USP45: variants seen among roughly 807,000 people sequenced by gnomAD.
USP45 encodes ubiquitin carboxyl-terminal hydrolase 45.
Under a neutral mutation model 95.8 loss-of-function variants are expected in USP45, and 89 were observed. That is an observed-to-expected ratio of 0.93 (90% CI 0.78 to 1.11). The LOEUF (loss-of-function observed/expected upper bound fraction) is 1.11. Among genes scored for constraint, USP45 ranks in the 50% least tolerant of loss-of-function variants. The pLI, the probability that USP45 is intolerant of heterozygous loss-of-function variation, is 0.00. For synonymous variants in USP45, 281 were observed against 316.2 expected (o/e 0.89, Z 1.18); for missense variants, 898 against 942.5 (o/e 0.95, Z 0.62).
At chr6:99,505,654 A>C (rs1039117302) in intron 4 of USP45, among the ~76,000 whole-genome samples, 37 of 152,002 alleles carry the variant, frequency 2.4e-4, no homozygotes, top group Non-Finnish European at 3.7e-4. Flanking sequence ...AAAAAAAAAA[A>C]AAAAAACATA....
In USP45 at chr6:99,443,560, C is replaced by T. The variant is rs767560028; in HGVS notation, c.2073+5G>A. The T allele has an allele frequency of 2.5e-6, 4 of 1,598,674 alleles. No homozygotes were observed. Among genetic ancestry groups the T allele is most frequent in the Non-Finnish European group, 3.4e-6 (4 of 1,171,086 alleles). On this transcript the variant is annotated splice_donor_5th_base_variant and intron_variant, in intron 15 of 17. Transcript: ENST00000500704. ...GAAAATTATGGTGCTACTGAAGAAA[C>T]TTACCTGATGAAATCTTTTCAGGTG...
chr6:99,503,833 T>C lies in USP45; in HGVS notation c.410A>G (p.His137Arg), dbSNP rs762261808. 2 of 1,597,790 alleles carry C rather than the reference T, an allele frequency of 1.3e-6. No homozygotes were observed. The highest frequency in any genetic ancestry group is 2.3e-5 in the East Asian group (1 of 44,336). ...CTGAGCCAAAACCTTCTTATTACAA[T>C]GCGTTGATAATTTTTCATCACATTC... ...CYECDEKLSTHCNKKVLAQIV... is the reference protein window; with the variant it reads ...CYECDEKLSTRCNKKVLAQIV... Residue 137 changes from histidine to arginine, a missense_variant, in exon 5 of 18, where the codon CAT becomes CGT. Coordinates refer to ENST00000500704, the MANE Select transcript of USP45 (RefSeq NM_001346022.3).
intron 14 of USP45, 109 bp from the exon 15 acceptor site, chr6:99,443,771 G>A (rs934053574): frequency 2.9e-6 from 2 of 692,340 alleles, no homozygotes; most frequent in African/African-American, 3.6e-5. Flanking sequence ...AAATGTTAAA[G>A]AAATTGGACT....
intron 1 of USP45, among the ~76,000 whole-genome samples, chr6:99,511,841 GTGTGTATATATATATATATATATATATA>G (rs1237586580): frequency 4.9e-4 from 65 of 133,570 alleles, no homozygotes; most frequent in East Asian, 8.3e-4. Context: ...GTATGTGAGT[GTGTGTATATATATATATATATATATATA>G]TATATATATA....
intron 8 of USP45, among the ~76,000 whole-genome samples, chr6:99,480,916 G>A (rs1056273622): frequency 3.3e-5 from 5 of 151,774 alleles, no homozygotes; most frequent in Admixed American, 1.3e-4. Context: ...AAAAGTAAAC[G>A]CCATAAAACA....
intron 13 of USP45, among the ~76,000 whole-genome samples, chr6:99,464,398 T>G (rs1355199402): frequency 6.6e-6 from 1 of 152,146 alleles, no homozygotes; most frequent in Non-Finnish European, 1.5e-5. Flanking sequence ...TAATCTGGGA[T>G]TATCCAAAAA....
intron 8 of USP45, among the ~76,000 whole-genome samples, chr6:99,481,885 TGA>T (rs1792523587): frequency 6.6e-6 from 1 of 152,222 alleles, no homozygotes; most frequent in East Asian, 1.9e-4. Context: ...TTTAACTCTG[TGA>T]GACACTCATG....
chr6:99,513,257 G>A (rs914836070), intron 1 of USP45, among the ~76,000 whole-genome samples: 1 of 152,050 alleles, frequency 6.6e-6, no homozygotes, highest in South Asian at 2.1e-4. Context: ...AAGCAGACTA[G>A]GTCCATTATT....
chr6:99,439,747 T>TA, intron 16 of USP45, 22 bp downstream of exon 16: 2 of 1,469,260 alleles, frequency 1.4e-6, no homozygotes, highest in Non-Finnish European at 1.8e-6. Context: ...ATAAATCAAT[T>TA]AAATATCTTA....
rs559271078 is a variant in USP45 at position 99,504,675 on chromosome 6, C to T, written c.378-810G>A. Among the ~76,000 whole-genome samples the T allele has an allele frequency of 2.0e-5, 3 of 152,182 alleles. No homozygotes were observed. The East Asian group carries it at 5.8e-4, about 29-fold the overall frequency. On this transcript the variant is annotated intron_variant, in intron 4 of 17. Transcript: ENST00000500704. ...TAGGGAGAAGTGAGTGAGACAATGT[C>T]AGCGATTCTCAATGTTGTTGAGAAT...
At position 99,439,806 on chromosome 6, in the gene USP45, A is replaced by G. The variant is rs775281013; in HGVS notation, c.2123T>C (p.Met708Thr). The G allele has an allele frequency of 3.3e-5, 53 of 1,608,328 alleles. No homozygotes were observed. Among genetic ancestry groups the G allele is most frequent in the Non-Finnish European group, 4.2e-5 (50 of 1,176,954 alleles). ...KVNRHVDFPL[M>T]LDLAPFCSAT... ...AGAGCAGAATGGTGCTAAATCGAGC[A>G]TAAGTGGAAAATCTACATGTCTGTT... Residue 708 changes from methionine (M) to threonine (T), a missense_variant, in exon 16 of 18, where the codon ATG becomes ACG. Physicochemically the swap from Met to Thr is moderately conservative, Grantham distance 81 (BLOSUM62 -1). Coordinates refer to ENST00000500704, the MANE Select transcript of USP45 (RefSeq NM_001346022.3).
chr6:99,476,028 G>T, intron 9 of USP45, 115 bp downstream of exon 9: 1 of 835,524 alleles, frequency 1.2e-6, no homozygotes, highest in Non-Finnish European at 1.9e-6. Flanking sequence ...TGTTGGCTAG[G>T]CTGGTCTGAA....
chr6:99,494,971 G>A (rs2128752470), intron 5 of USP45, among the ~76,000 whole-genome samples: 1 of 152,212 alleles, frequency 6.6e-6, no homozygotes, highest in South Asian at 2.1e-4. Flanking sequence ...CAAATTTTAG[G>A]TGAATATCTT....
intron 14 of USP45, among the ~76,000 whole-genome samples, chr6:99,445,277 A>G (rs562334068): frequency 2.0e-5 from 3 of 152,136 alleles, no homozygotes; most frequent in Non-Finnish European, 4.4e-5. Context: ...GAGGTCAGGC[A>G]TTCAAGACCA....
chr6:99,500,182 T>C (rs145534690), intron 5 of USP45, among the ~76,000 whole-genome samples: 1 of 152,178 alleles, frequency 6.6e-6, no homozygotes, highest in African/African-American at 2.4e-5. Flanking sequence ...TGGCATGCAG[T>C]GGTGTGATCT....
At chr6:99,473,702 CTGA>C (rs946340245) in intron 9 of USP45, among the ~76,000 whole-genome samples, 11 of 151,404 alleles carry the variant, frequency 7.3e-5, no homozygotes, top group African/African-American at 2.2e-4. Context: ...CTGCAGTGAG[CTGA>C]GATCATGCCA....
intron 8 of USP45, among the ~76,000 whole-genome samples, chr6:99,481,758 T>TG: frequency 6.6e-6 from 1 of 152,182 alleles, no homozygotes. Context: ...TATGAGAACA[T>TG]GTGGTATCTG....
intron 14 of USP45, among the ~76,000 whole-genome samples, chr6:99,445,223 A>G (rs935062266): frequency 6.6e-6 from 1 of 152,140 alleles, no homozygotes; most frequent in Admixed American, 6.5e-5. Flanking sequence ...GGTGGCTCAC[A>G]CCTGTAATCT....
At chr6:99,443,696 T>G in intron 14 of USP45, 34 bp from the exon 15 acceptor site, 2 of 1,334,476 alleles carry the variant, frequency 1.5e-6, no homozygotes, top group Non-Finnish European at 2.0e-6. Flanking sequence ...TTTATAAAAT[T>G]CCATTTTATA....
Sources: allele counts gnomAD v4.1 joint callset (sites outside exome capture counted in the v4.1 genomes callset), GRCh38; gene constraint gnomAD v4.1.1; transcripts MANE v1.5; gene names NCBI Gene and HGNC (gene_info 2026-07-23, HGNC 2026-07-21).